The following FAM168A variants were observed in gnomAD, a reference collection of about 807,000 sequenced individuals.
The protein encoded by FAM168A is family with sequence similarity 168 member A.
FAM168A carries 3 observed loss-of-function variants against 28.5 expected under a neutral mutation model. That is an observed-to-expected ratio of 0.11 (90% CI 0.05 to 0.27). The LOEUF (loss-of-function observed/expected upper bound fraction) is 0.27, where lower values mean the gene tolerates loss of function less well. Ranked by LOEUF, FAM168A falls within the 10% of genes least tolerant of loss-of-function variation. FAM168A has a pLI of 1.00. For missense variants in FAM168A, 222 were observed against 311.5 expected (o/e 0.71, Z 2.16); for synonymous variants, 122 against 124.2 (o/e 0.98, Z 0.12).
At chr11:73,434,147 T>C (rs1448568634) in intron 2 of FAM168A, among the ~76,000 whole-genome samples, 1 of 148,778 alleles carries the variant, frequency 6.7e-6, no homozygotes, top group Non-Finnish European at 1.5e-5. Flanking sequence ...CCTGGCCAGG[T>C]AGGCCTATTT....
chr11:73,536,068 A>C (rs1025278906), intron 1 of FAM168A, among the ~76,000 whole-genome samples: 2 of 151,932 alleles, frequency 1.3e-5, no homozygotes, highest in South Asian at 4.1e-4. Flanking sequence ...GCTGGTCTCA[A>C]ATTCTCGTCT....
At position 73,446,767 on chromosome 11, in the gene FAM168A, A is replaced by G. The variant is rs141064048; in HGVS notation, c.71-15997T>C. Among the ~76,000 whole-genome samples, 61 of 152,350 alleles carry G rather than the reference A, an allele frequency of 4.0e-4. 1 individual carries two copies. The highest frequency in any genetic ancestry group is 1.4e-3 in the African/African-American group (60 of 41,584). ...GCATCTCAAATACAGCTCCTAGTTC[A>G]GGTCTCTTGACTGAAGTATCAACAC... On this transcript the variant is annotated intron_variant, in intron 2 of 7. Transcript: ENST00000356467.
At chr11:73,458,801 G>C (rs1171684058) in intron 2 of FAM168A, among the ~76,000 whole-genome samples, 2 of 152,010 alleles carry the variant, frequency 1.3e-5, no homozygotes, top group Non-Finnish European at 2.9e-5. Flanking sequence ...TAGTAGAGAT[G>C]GGGTTTCACT....
chr11:73,479,379 CA>C (rs997574836), intron 1 of FAM168A, among the ~76,000 whole-genome samples: 3 of 146,524 alleles, frequency 2.0e-5, no homozygotes, highest in South Asian at 2.3e-4. Context: ...ATACAGGTTT[CA>C]AAAAAAATAT....
chr11:73,486,213 A>C (rs998458910), intron 1 of FAM168A, among the ~76,000 whole-genome samples: 11 of 152,210 alleles, frequency 7.2e-5, no homozygotes, highest in Admixed American at 5.9e-4. Flanking sequence ...CATAACACAA[A>C]ATTGACTACT....
At chr11:73,438,906 C>T (rs980816125) in intron 2 of FAM168A, among the ~76,000 whole-genome samples, 1 of 152,002 alleles carries the variant, frequency 6.6e-6, no homozygotes, top group Non-Finnish European at 1.5e-5. Context: ...CAAAGAATGA[C>T]GGGAAACACT....
At chr11:73,504,951 C>T (rs1011036223) in intron 1 of FAM168A, among the ~76,000 whole-genome samples, 1 of 152,056 alleles carries the variant, frequency 6.6e-6, no homozygotes, top group African/African-American at 2.4e-5. Context: ...GGGAGCGGAA[C>T]ACTGAGAACA....
chr11:73,582,422 C>T (rs945635338), intron 1 of FAM168A, among the ~76,000 whole-genome samples: 1 of 151,778 alleles, frequency 6.6e-6, no homozygotes, highest in African/African-American at 2.4e-5. Flanking sequence ...ACTCGGGAGG[C>T]TGAGGCAGGA....
intron 2 of FAM168A, among the ~76,000 whole-genome samples, chr11:73,434,407 A>C (rs1867053041): frequency 6.6e-6 from 1 of 152,250 alleles, no homozygotes; most frequent in Non-Finnish European, 1.5e-5. Flanking sequence ...GCAATATTAA[A>C]CATGATAATC....
At chr11:73,595,645 C>T (rs1191682723) in intron 1 of FAM168A, among the ~76,000 whole-genome samples, 1 of 152,202 alleles carries the variant, frequency 6.6e-6, no homozygotes, top group African/African-American at 2.4e-5. Context: ...CCATTATCAT[C>T]GTTCTGCCCT....
At chr11:73,452,700 C>T (rs1867453384) in intron 2 of FAM168A, among the ~76,000 whole-genome samples, 1 of 151,878 alleles carries the variant, frequency 6.6e-6, no homozygotes, top group Admixed American at 6.5e-5. Flanking sequence ...TCTCCATCTA[C>T]CTATGAAGAT....
At chr11:73,420,564 A>C (rs1866774101) in intron 3 of FAM168A, among the ~76,000 whole-genome samples, 1 of 152,204 alleles carries the variant, frequency 6.6e-6, no homozygotes, top group African/African-American at 2.4e-5. Context: ...CACCGAACCT[A>C]GTTAGCCAGT....
At chr11:73,480,759 T>C (rs1867957375) in intron 1 of FAM168A, among the ~76,000 whole-genome samples, 1 of 152,176 alleles carries the variant, frequency 6.6e-6, no homozygotes, top group Admixed American at 6.5e-5. Context: ...AAGTGATTTG[T>C]TCAAGGTCCC....
chr11:73,494,987 T>C (rs1854839681), intron 1 of FAM168A, among the ~76,000 whole-genome samples: 1 of 141,798 alleles, frequency 7.1e-6, no homozygotes, highest in Admixed American at 7.1e-5. Context: ...GCCTGGGTGA[T>C]GGAGTGAGAC....
intron 1 of FAM168A, among the ~76,000 whole-genome samples, chr11:73,475,358 A>G (rs1374098775): frequency 6.6e-6 from 1 of 152,146 alleles, no homozygotes; most frequent in South Asian, 2.1e-4. Context: ...GATTTTAACC[A>G]TTATCTCACT....
At chr11:73,415,231 T>C (rs916887698) in intron 4 of FAM168A, among the ~76,000 whole-genome samples, 2 of 152,222 alleles carry the variant, frequency 1.3e-5, no homozygotes, top group African/African-American at 4.8e-5. Flanking sequence ...AAGGCCTTGC[T>C]TGTTTGTCCA....
intron 4 of FAM168A, among the ~76,000 whole-genome samples, chr11:73,413,229 G>GT (rs1445529650): frequency 0.038 from 3 of 78 alleles, no homozygotes; most frequent in East Asian, 0.17. Flanking sequence ...AAGTCAGCCT[G>GT]TTCCTGGATT....
chr11:73,480,960 C>T (rs895932758), intron 1 of FAM168A, among the ~76,000 whole-genome samples: 4 of 152,210 alleles, frequency 2.6e-5, no homozygotes, highest in African/African-American at 9.6e-5. Flanking sequence ...TTGAACATGC[C>T]ATACTCTCTT....
At chr11:73,594,308 C>T (rs971754511) in intron 1 of FAM168A, among the ~76,000 whole-genome samples, 1 of 151,784 alleles carries the variant, frequency 6.6e-6, no homozygotes, top group Non-Finnish European at 1.5e-5. Context: ...CTATGTTGCC[C>T]TCACTGGTCT....
Sources: gnomAD v4.1 joint callset for allele counts (sites outside exome capture counted in the v4.1 genomes callset) on GRCh38, gnomAD v4.1.1 for gene constraint, MANE v1.5 for transcripts, NCBI Gene and HGNC (gene_info 2026-07-23, HGNC 2026-07-21) for gene names.